Variants in CNOT4 observed in about 807,000 individuals in gnomAD.
The protein encoded by CNOT4 is CCR4-NOT transcription complex subunit 4.
In CNOT4, 8 loss-of-function variants were observed where a neutral mutation model predicts 73.8. The ratio of observed to expected loss-of-function variants is 0.11; its 90% CI spans 0.06 to 0.20. CNOT4 has a LOEUF of 0.20. Ranked by LOEUF, CNOT4 falls within the 10% of genes least tolerant of loss-of-function variation. CNOT4 has a pLI of 1.00. For synonymous variants in CNOT4, 293 were observed against 321.1 expected (o/e 0.91, Z 0.94); for missense variants, 564 against 883.4 (o/e 0.64, Z 4.58).
At chr7:135,424,040 AACACACAC>A (rs3138785) in intron 2 of CNOT4, among the ~76,000 whole-genome samples, 13,184 of 144,118 alleles carry the variant, frequency 0.091, 1,073 homozygotes, top group African/African-American at 0.22. Context: ...AAACAAACAA[AACACACAC>A]ACACACACAC....
chr7:135,374,097 G>A (rs1795382523), intron 10 of CNOT4, among the ~76,000 whole-genome samples: 1 of 152,136 alleles, frequency 6.6e-6, no homozygotes, highest in African/African-American at 2.4e-5. Context: ...AGTCATAGAG[G>A]TTCCACTGAC....
intron 1 of CNOT4, among the ~76,000 whole-genome samples, chr7:135,478,351 C>T (rs569739738): frequency 6.6e-6 from 1 of 152,266 alleles, no homozygotes; most frequent in African/African-American, 2.4e-5. Flanking sequence ...ATAATAATTA[C>T]TGGTTGTGAA....
chr7:135,384,626 C>A (rs1796028040), intron 10 of CNOT4: 1 of 763,620 alleles, frequency 1.3e-6, no homozygotes. Flanking sequence ...GTCTCAGGAG[C>A]TTATCTCTTC....
chr7:135,405,068 G>A (rs1208193833), intron 7 of CNOT4, among the ~76,000 whole-genome samples: 2 of 152,164 alleles, frequency 1.3e-5, no homozygotes, highest in African/African-American at 4.8e-5. Flanking sequence ...GAGAATGAGG[G>A]ATGAGCTTGG....
chr7:135,364,002 T>G lies in CNOT4; in HGVS notation c.1692A>C (p.Leu564=). The change falls in exon 11 of 12, where the codon CTA becomes CTC. Residue 564 remains leucine (L), a synonymous_variant. Coordinates refer to ENST00000541284, the MANE Select transcript of CNOT4 (RefSeq NM_001190850.2). The surrounding 1 kb of genome is among the most constrained non-coding windows in gnomAD (Gnocchi z 4.3). ...CACCAAAGTTGATGTTAATGTTGGG[T>G]AGAAGTGCCCTTAGCCCGTCCTGCC... is the stretch of plus-strand genomic sequence containing the variant. ...KEWQDGLRAL[L]PNININFGGL... The G allele has an allele frequency of 6.3e-7, 1 of 1,598,402 alleles. No homozygotes were observed. The highest frequency in any genetic ancestry group is 8.5e-7 in the Non-Finnish European group (1 of 1,179,754).
chr7:135,492,274 T>C (rs1048519762), intron 1 of CNOT4, among the ~76,000 whole-genome samples: 1 of 152,162 alleles, frequency 6.6e-6, no homozygotes, highest in Non-Finnish European at 1.5e-5. Flanking sequence ...GCAGTTATCA[T>C]ATTTGTATTT....
chr7:135,438,017 T>C (rs563068190), intron 2 of CNOT4, 141 bp downstream of exon 2: 89 of 496,810 alleles, frequency 1.8e-4, no homozygotes, highest in African/African-American at 1.5e-3. Flanking sequence ...TTCCACCTTA[T>C]ATCTTAAAAT....
chr7:135,430,119 C>T (rs1488838528), intron 2 of CNOT4, among the ~76,000 whole-genome samples: 1 of 152,202 alleles, frequency 6.6e-6, no homozygotes, highest in African/African-American at 2.4e-5. Flanking sequence ...ATACCAATGA[C>T]ACGCAAACTC....
chr7:135,394,113 G>T lies in CNOT4; in HGVS notation c.1432C>A (p.Gln478Lys). 1 of 1,614,202 alleles carries T rather than the reference G, an allele frequency of 6.2e-7. No individual in the cohort carries two copies. The highest frequency in any genetic ancestry group is 8.5e-7 in the Non-Finnish European group (1 of 1,180,028). The change falls in exon 10 of 12, where the codon CAA becomes AAA. Residue 478 changes from glutamine to lysine, a missense_variant. Around this residue, in one of 10 missense-constraint regions of CNOT4, gnomAD observed 153 missense variants for 158.7 expected, o/e 0.96. Transcript: ENST00000541284. ...TAAACCGCTCGGTGCTGCTGAAATTGAGGGAACCTCTGGGGCAAGACTGAA... is the reference window on the plus strand; with the variant it reads ...TAAACCGCTCGGTGCTGCTGAAATTTAGGGAACCTCTGGGGCAAGACTGAA... Reference protein sequence around the residue: ...TFSVLPQRFPQFQQHRAVYNS... With the variant: ...TFSVLPQRFPKFQQHRAVYNS...
In CNOT4 at chr7:135,427,579, G is replaced by C. The variant is rs201309644; in HGVS notation, c.175-5226C>G. Among the ~76,000 whole-genome samples the C allele has an allele frequency of 9.2e-5, 14 of 152,180 alleles. No homozygotes were observed. In the East Asian group the frequency reaches 2.7e-3, roughly 29 times the overall value. ...CAGAATAATTTGTAATTTTCTTTTT[G>C]ATCTCTTTAAACCAAGAGTTATGGA... is the stretch of plus-strand genomic sequence containing the variant. On this transcript the variant is annotated intron_variant, in intron 2 of 11. Transcript: ENST00000541284.
intron 7 of CNOT4, among the ~76,000 whole-genome samples, chr7:135,401,017 G>C (rs1235937559): frequency 6.6e-6 from 1 of 152,146 alleles, no homozygotes; most frequent in Non-Finnish European, 1.5e-5. Context: ...AAGAATAAAA[G>C]ATAGGAGAAT....
rs548813436 is a variant in CNOT4, at chr7:135,468,235, A to AAAAT, written c.-92-29816_-92-29813dup. On this transcript the variant is annotated intron_variant, in intron 1 of 11. Transcript: ENST00000541284. ...TGTCTCAAAAAAATAAAATGAAATA[A>AAAAT]AAATAAATAAATAAATAAATAAAAT... 3.7e-4 allele frequency among the ~76,000 whole-genome samples: 57 copies of AAAAT among 152,030 alleles called. 2 individuals are homozygous for AAAAT. The highest frequency in any genetic ancestry group is 9.6e-4 in the African/African-American group (40 of 41,524).
intron 10 of CNOT4, among the ~76,000 whole-genome samples, chr7:135,377,060 C>T (rs977516323): frequency 1.3e-5 from 2 of 152,088 alleles, no homozygotes; most frequent in African/African-American, 4.8e-5. Flanking sequence ...AGAGTTCTTT[C>T]TCATTAAGAG....
chr7:135,495,327 A>C (rs935928161), intron 1 of CNOT4, among the ~76,000 whole-genome samples: 16 of 152,040 alleles, frequency 1.1e-4, no homozygotes, highest in African/African-American at 3.9e-4. Flanking sequence ...CAACATGGTG[A>C]AACCCTGTCT....
Position 135,364,082 on chromosome 7 carries a change from A to G in CNOT4, c.1628-16T>C, listed in dbSNP as rs1254737517. 12 of 1,532,462 alleles carry G rather than the reference A, an allele frequency of 7.8e-6. 1 individual carries two copies. The Admixed American group carries it at 2.3e-4, about 29-fold the overall frequency. 94.9% of individuals were successfully genotyped at this position (1,532,462 alleles called of 1,614,324 possible). A position where few individuals can be genotyped will look rare whatever the true frequency, so the allele number is the denominator to read the frequency against. ...CTGCTGTTGTCTGGGAGATTTACCAACAAAAAAATGAAAGATAAAAAAAAA... is the reference window on the plus strand; with the variant it reads ...CTGCTGTTGTCTGGGAGATTTACCAGCAAAAAAATGAAAGATAAAAAAAAA... On this transcript the variant is annotated splice_polypyrimidine_tract_variant and intron_variant, in intron 10 of 11. Transcript: ENST00000541284. This position sits in a 1 kb window ranked among gnomAD's most constrained non-coding sequence, Gnocchi z 4.3.
intron 1 of CNOT4, among the ~76,000 whole-genome samples, chr7:135,489,918 GA>G (rs1297476062): frequency 6.6e-6 from 1 of 152,206 alleles, no homozygotes; most frequent in Non-Finnish European, 1.5e-5. Flanking sequence ...CTCTCTGAAA[GA>G]GAATCAAAGG....
chr7:135,409,929 TA>T (rs1797501962), intron 7 of CNOT4, among the ~76,000 whole-genome samples: 1 of 152,064 alleles, frequency 6.6e-6, no homozygotes, highest in African/African-American at 2.4e-5. Flanking sequence ...CTGAAGACCA[TA>T]AATTTATTTA....
intron 10 of CNOT4, among the ~76,000 whole-genome samples, chr7:135,389,782 A>T (rs1796309296): frequency 6.6e-6 from 1 of 152,218 alleles, no homozygotes; most frequent in African/African-American, 2.4e-5. Context: ...AATAATTTTT[A>T]ACATCATGGA....
At chr7:135,367,602 G>T (rs1286209067) in intron 10 of CNOT4, among the ~76,000 whole-genome samples, 1 of 152,136 alleles carries the variant, frequency 6.6e-6, no homozygotes, top group Non-Finnish European at 1.5e-5. Flanking sequence ...ATACCGAACG[G>T]ATAGTAAATT....
Sources: allele counts gnomAD v4.1 joint callset (sites outside exome capture counted in the v4.1 genomes callset), GRCh38; gene constraint gnomAD v4.1.1; regional missense constraint gnomAD v4.1.1; non-coding constraint Gnocchi (gnomAD v3.1); transcripts MANE v1.5; gene names NCBI Gene and HGNC (gene_info 2026-07-23, HGNC 2026-07-21).